DAB1: variants seen among roughly 807,000 people sequenced by gnomAD.
DAB1 encodes the protein disabled homolog 1.
In DAB1, 15 loss-of-function variants were observed where a neutral mutation model predicts 64.6. The ratio of observed to expected loss-of-function variants is 0.23; its 90% CI spans 0.16 to 0.36. DAB1 has a LOEUF of 0.36. DAB1 is among the 10% of genes least tolerant of loss of function. The pLI is 1.00. For missense variants in DAB1, 596 were observed against 706.7 expected (o/e 0.84, Z 1.78); for synonymous variants, 235 against 251.9 (o/e 0.93, Z 0.64).
chr1:58,106,309 C>A (rs541184878), intron 5 of DAB1, among the ~76,000 whole-genome samples: 32 of 151,998 alleles, frequency 2.1e-4, no homozygotes, highest in African/African-American at 6.0e-4. Context: ...TCTGAAGTAT[C>A]TAGGACTACA....
intron 7 of DAB1, among the ~76,000 whole-genome samples, chr1:57,463,746 C>T (rs560418488): frequency 1.3e-5 from 2 of 152,212 alleles, no homozygotes; most frequent in Non-Finnish European, 2.9e-5. Flanking sequence ...TCTGTTTTTT[C>T]CCATGCTCTT....
chr1:57,297,274 C>T (rs1222243972), intron 1 of DAB1, among the ~76,000 whole-genome samples: 1 of 152,076 alleles, frequency 6.6e-6, no homozygotes, highest in Non-Finnish European at 1.5e-5. Context: ...GAAATGTTAG[C>T]CCCTCAAAAT....
chr1:58,092,139 A>G (rs1422734549), intron 5 of DAB1, among the ~76,000 whole-genome samples: 2 of 152,022 alleles, frequency 1.3e-5, no homozygotes, highest in Non-Finnish European at 2.9e-5. Flanking sequence ...GTTCAAGACC[A>G]GCTTGGCCAA....
intron 2 of DAB1, among the ~76,000 whole-genome samples, chr1:57,236,473 G>A (rs994617894): frequency 3.9e-5 from 6 of 152,210 alleles, no homozygotes; most frequent in African/African-American, 4.8e-5. Flanking sequence ...CACAAAGAAC[G>A]TGAAAAGGAG....
At chr1:58,290,160 A>G (rs554321160) in intron 4 of DAB1, among the ~76,000 whole-genome samples, 1 of 152,316 alleles carries the variant, frequency 6.6e-6, no homozygotes, top group East Asian at 1.9e-4. Context: ...CAAGATATTC[A>G]TGATCATGTA....
At chr1:57,924,206 A>C (rs1043385374) in intron 5 of DAB1, among the ~76,000 whole-genome samples, 4 of 152,242 alleles carry the variant, frequency 2.6e-5, no homozygotes, top group South Asian at 2.1e-4. Flanking sequence ...TTTGAAGGAC[A>C]TCCAGATGAG....
chr1:58,450,668 G>A (rs1397932566), intron 3 of DAB1, among the ~76,000 whole-genome samples: 2 of 152,170 alleles, frequency 1.3e-5, no homozygotes, highest in African/African-American at 4.8e-5. Flanking sequence ...GCAGGAGAAT[G>A]GCGTGAACCC....
Position 57,589,658 on chromosome 1 carries a change from G to C in DAB1, n.625+59934C>G, listed in dbSNP as rs146527721. 2.6e-5 allele frequency among the ~76,000 whole-genome samples: 4 copies of C among 152,160 alleles called. 1 individual carries two copies. In the East Asian group the frequency reaches 5.8e-4, roughly 22 times the overall value. ...TGTAGTCCCAGCTACTCAGGAGGCT[G>C]AGGCAAGAGTATCACTTGAATCCAG... On this transcript the variant is annotated intron_variant and non_coding_transcript_variant, in intron 7 of 20. Transcript: ENST00000485760.
At chr1:58,186,762 C>G (rs2100216149) in intron 4 of DAB1, among the ~76,000 whole-genome samples, 1 of 152,282 alleles carries the variant, frequency 6.6e-6, no homozygotes, top group East Asian at 1.9e-4. Context: ...ATTGGATAAT[C>G]TAGGCTGGCT....
intron 7 of DAB1, among the ~76,000 whole-genome samples, chr1:57,455,526 C>G (rs564679778): frequency 2.5e-4 from 38 of 152,038 alleles, no homozygotes; most frequent in South Asian, 8.3e-4. Flanking sequence ...TTAGTAAGAT[C>G]CCTAAAACCA....
At chr1:58,457,404 T>G (rs1490021407) in intron 3 of DAB1, among the ~76,000 whole-genome samples, 1 of 151,872 alleles carries the variant, frequency 6.6e-6, no homozygotes, top group Non-Finnish European at 1.5e-5. Context: ...CACCTCCTCA[T>G]GTCTACACAA....
At chr1:57,053,887 A>T (rs1649475859) in intron 9 of DAB1, among the ~76,000 whole-genome samples, 1 of 151,446 alleles carries the variant, frequency 6.6e-6, no homozygotes, top group Admixed American at 6.6e-5. Context: ...GGGTTTCACC[A>T]TGTTGGCCAG....
At chr1:58,199,564 T>C (rs1657886621) in intron 4 of DAB1, among the ~76,000 whole-genome samples, 3 of 152,208 alleles carry the variant, frequency 2.0e-5, no homozygotes, top group Admixed American at 2.0e-4. Context: ...CAATGTCTAC[T>C]TCTCAGAACA....
intron 7 of DAB1, among the ~76,000 whole-genome samples, chr1:57,505,919 C>T (rs1385190736): frequency 1.3e-5 from 2 of 152,208 alleles, no homozygotes; most frequent in Non-Finnish European, 2.9e-5. Flanking sequence ...ATCTGCCCCG[C>T]CTCAGCCTCC....
chr1:57,847,356 T>A (rs1182410902), intron 1 of DAB1, among the ~76,000 whole-genome samples: 1 of 149,840 alleles, frequency 6.7e-6, no homozygotes, highest in African/African-American at 2.4e-5. Context: ...CAAGAAAGCA[T>A]AAAGAAGAGA....
chr1:57,628,944 G>T (rs1177779122), intron 7 of DAB1, among the ~76,000 whole-genome samples: 1 of 152,166 alleles, frequency 6.6e-6, no homozygotes, highest in Non-Finnish European at 1.5e-5. Context: ...TATGTGCCCA[G>T]TGCTATTCCA....
chr1:57,006,452 CCTCCCATGT>C (rs1646070507), intron 14 of DAB1, among the ~76,000 whole-genome samples: 1 of 152,228 alleles, frequency 6.6e-6, no homozygotes, highest in African/African-American at 2.4e-5. Context: ...CTCTTCCTCA[CCTCCCATGT>C]CTCTTCGGTC....
At chr1:58,531,954 A>C (rs1847350) in intron 1 of DAB1, among the ~76,000 whole-genome samples, 4 of 151,626 alleles carry the variant, frequency 2.6e-5, no homozygotes, top group Non-Finnish European at 2.9e-5. Flanking sequence ...TGATCCACCC[A>C]CCTCAGCCTC....
chr1:57,731,642 T>C (rs1277624902), intron 6 of DAB1, among the ~76,000 whole-genome samples: 1 of 151,954 alleles, frequency 6.6e-6, no homozygotes, highest in African/African-American at 2.4e-5. Flanking sequence ...CCGTCTCTAC[T>C]AAATATACAA....
Sources: gnomAD v4.1 joint callset for allele counts (sites outside exome capture counted in the v4.1 genomes callset) on GRCh38, gnomAD v4.1.1 for gene constraint, MANE v1.5 for transcripts, NCBI Gene and HGNC (gene_info 2026-07-23, HGNC 2026-07-21) for gene names.